The following MYH11 variants were observed in gnomAD, a reference collection of about 807,000 sequenced individuals.
MYH11 encodes myosin heavy chain 11, also known as myosin-11.
MYH11 carries 80 observed loss-of-function variants against 246.6 expected under a neutral mutation model. That is an observed-to-expected ratio of 0.32 (90% CI 0.27 to 0.39). MYH11 has a LOEUF of 0.39. Ranked by LOEUF, MYH11 falls within the 10% of genes least tolerant of loss-of-function variation. The probability of loss-of-function intolerance (pLI) is 1.00; values close to 1 mark genes in which losing one functional copy is unlikely to be tolerated. For synonymous variants in MYH11, 1,071 were observed against 1,015.5 expected (o/e 1.05, Z -1.04); for missense variants, 2,158 against 2,546.8 (o/e 0.85, Z 3.29).
rs1567701550 is a variant in MYH11 at position 15,725,149 on chromosome 16, A to AG, written c.3859-158_3859-157insC. ...GGGACTCTGATAAAAAAAAAAAAAA[A>AG]CACACACACACACAAAAAAAACAGA... On this transcript the variant is annotated intron_variant, in intron 28 of 40. Coordinates refer to ENST00000300036, the MANE Select transcript of MYH11 (RefSeq NM_002474.3). 1.7e-5 allele frequency: 10 copies of AG among 575,984 alleles called. No homozygotes were observed. In the African/African-American group the frequency reaches 2.2e-4, roughly 13 times the overall value. The allele number at this position is 575,984 out of a possible 1,614,324, so 35.7% of individuals were successfully genotyped here.
At chr16:15,825,317 G>A (rs1204873779) in intron 2 of MYH11, among the ~76,000 whole-genome samples, 1 of 151,420 alleles carries the variant, frequency 6.6e-6, no homozygotes, top group Non-Finnish European at 1.5e-5. Context: ...GGGAGGCCAA[G>A]GTGGGAGGAT....
rs2041772077 is a variant in MYH11 at position 15,757,898 on chromosome 16, C to G, written c.1504G>C (p.Glu502Gln). The change falls in exon 13 of 41, where the codon GAG becomes CAG. Residue 502 changes from glutamate to glutamine, a missense_variant. By Grantham distance (29) the Glu-to-Gln change is conservative. Coordinates refer to ENST00000300036, the MANE Select transcript of MYH11 (RefSeq NM_002474.3). ...FILEQEEYQR[E>Q]GIEWNFIDFG... ...TCGATGAAGTTCCACTCGATGCCCT[C>G]GCGCTGGTACTCCTCCTGCTCCAGG... 2 of 1,614,210 alleles carry G rather than the reference C, an allele frequency of 1.2e-6. No homozygotes were observed. The highest frequency in any genetic ancestry group is 4.5e-5 in the East Asian group (2 of 44,878).
At chr16:15,781,687 T>G (rs1355597520) in intron 6 of MYH11, among the ~76,000 whole-genome samples, 1 of 152,046 alleles carries the variant, frequency 6.6e-6, no homozygotes, top group African/African-American at 2.4e-5. Flanking sequence ...CCTGGGGGAG[T>G]GTGCATGGGA....
chr16:15,772,501 C>T (rs2042127039), intron 8 of MYH11, among the ~76,000 whole-genome samples: 1 of 152,132 alleles, frequency 6.6e-6, no homozygotes, highest in Non-Finnish European at 1.5e-5. Flanking sequence ...CTGTCACATC[C>T]CTTCTCCAAC....
chr16:15,771,974 C>A (rs1410589745), intron 8 of MYH11, among the ~76,000 whole-genome samples: 1 of 151,882 alleles, frequency 6.6e-6, no homozygotes, highest in African/African-American at 2.4e-5. Context: ...CAATCCCTGG[C>A]ACGAAGTTAC....
chr16:15,718,822 A>T (rs955257957), intron 36 of MYH11: 1 of 408,132 alleles, frequency 2.5e-6, no homozygotes, highest in Non-Finnish European at 4.6e-6. Context: ...CTTCGTCAGC[A>T]GCAGCATTGA....
chr16:15,800,981 G>A (rs1045290644), intron 3 of MYH11, among the ~76,000 whole-genome samples: 9 of 152,008 alleles, frequency 5.9e-5, no homozygotes, highest in Non-Finnish European at 1.2e-4. Context: ...CAAGGAGGGT[G>A]GATCACTTGA....
intron 37 of MYH11, chr16:15,717,614 G>A (rs1024192113): frequency 5.3e-6 from 3 of 570,812 alleles, no homozygotes; most frequent in Non-Finnish European, 9.4e-6. Context: ...GGCCAACATG[G>A]TGAAACCCCG....
At position 15,750,641 on chromosome 16, in the gene MYH11, A is replaced by C. The variant is rs774465356; in HGVS notation, c.1865-310T>G. ...TGTGCCTCAGTCTCCCTTTCTACAA[A>C]AGGGAGGTAATAATACCGTCTACCT... On this transcript the variant is annotated intron_variant, in intron 15 of 40. Coordinates refer to ENST00000300036, the MANE Select transcript of MYH11 (RefSeq NM_002474.3). The surrounding 1 kb of genome is among the most constrained non-coding windows in gnomAD (Gnocchi z 4.3). 5.3e-5 allele frequency among the ~76,000 whole-genome samples: 8 copies of C among 152,036 alleles called. No individual in the cohort carries two copies. In the South Asian group the frequency reaches 1.7e-3, roughly 32 times the overall value.
At chr16:15,795,885 A>C (rs886737131) in intron 4 of MYH11, among the ~76,000 whole-genome samples, 1 of 152,186 alleles carries the variant, frequency 6.6e-6, no homozygotes, top group African/African-American at 2.4e-5. Context: ...CATACAACTA[A>C]CTAGACGATG....
At chr16:15,711,759 C>G (rs2039810037) in intron 40 of MYH11, among the ~76,000 whole-genome samples, 1 of 152,094 alleles carries the variant, frequency 6.6e-6, no homozygotes, top group African/African-American at 2.4e-5. Flanking sequence ...GTGGTGCGAT[C>G]TCAGCTCACT....
intron 5 of MYH11, chr16:15,783,611 C>T (rs2042403961): frequency 6.6e-6 from 1 of 152,192 alleles, no homozygotes. Flanking sequence ...TGGAAATTTA[C>T]AAGGAGCACC....
At chr16:15,744,000 G>A (rs535847263) in intron 20 of MYH11, among the ~76,000 whole-genome samples, 9 of 152,214 alleles carry the variant, frequency 5.9e-5, no homozygotes, top group African/African-American at 2.2e-4. Context: ...GCCAGATGAG[G>A]TGGCTCATGC....
chr16:15,712,737 G>A (rs1450326829), intron 40 of MYH11, among the ~76,000 whole-genome samples: 2 of 152,006 alleles, frequency 1.3e-5, no homozygotes, highest in Non-Finnish European at 2.9e-5. Context: ...GTCCAGGGAA[G>A]CAAGTGAATT....
rs769899465 is a variant in MYH11 at position 15,724,680 on chromosome 16, G to A, written c.4083C>T (p.Asn1361=). Residue 1361 remains asparagine (N), a synonymous_variant, in exon 30 of 41, where the codon AAC becomes AAT. Coordinates refer to ENST00000300036, the MANE Select transcript of MYH11 (RefSeq NM_002474.3). ...QLDEEMEAKQ[N]LERHISTLNI... The stretch of plus-strand genomic sequence containing the variant: ...TGAGAGTGGAGATGTGGCGCTCCAG[G>A]TTCTGCTTGGCCTCCATCTCCTCGT... The A allele has an allele frequency of 6.2e-6, 10 of 1,614,218 alleles. No individual in the cohort carries two copies. The highest frequency in any genetic ancestry group is 8.5e-6 in the Non-Finnish European group (10 of 1,180,042).
rs139414538 is a variant in MYH11, at chr16:15,721,960, C to T, written c.4366-326G>A. Among the ~76,000 whole-genome samples, 1,098 of 152,170 alleles carry T rather than the reference C, an allele frequency of 7.2e-3. 12 individuals are homozygous for T. Among genetic ancestry groups the T allele is most frequent in the African/African-American group, 0.026 (1,067 of 41,512 alleles). The stretch of plus-strand genomic sequence containing the variant: ...GCAACCTCCGCCTCGTGGGTTCAAG[C>T]GATTCTCCTGCCTCAGCCTCCAGAG... On this transcript the variant is annotated intron_variant, in intron 31 of 40. Transcript: ENST00000300036.
chr16:15,759,961 G>A (rs1165288922), intron 11 of MYH11, among the ~76,000 whole-genome samples: 11 of 152,268 alleles, frequency 7.2e-5, no homozygotes, highest in African/African-American at 2.4e-4. Flanking sequence ...GCCAGGCGTT[G>A]TGGTGCATGC....
chr16:15,855,518 C>T (rs72773921), intron 1 of MYH11, among the ~76,000 whole-genome samples: 3 of 152,152 alleles, frequency 2.0e-5, no homozygotes, highest in Admixed American at 6.5e-5. Context: ...CTGTGTGACA[C>T]TTTACCTCTC....
In MYH11 at chr16:15,820,474, G is replaced by A. The variant is rs1218452816; in HGVS notation, c.502+2781C>T. On this transcript the variant is annotated intron_variant, in intron 3 of 40. Transcript: ENST00000300036. ...GGGCACCAAGAGGGAAACTCCATCC[G>A]GAAAAAAAAAAAAAAAAAGAAAGAA... 3.8e-5 allele frequency among the ~76,000 whole-genome samples: 5 copies of A among 131,046 alleles called. No individual in the cohort carries two copies. In the South Asian group the frequency reaches 7.1e-4, roughly 19 times the overall value. 86.0% of individuals were successfully genotyped at this position (131,046 alleles called of 152,430 possible).
Sources: allele counts gnomAD v4.1 joint callset (sites outside exome capture counted in the v4.1 genomes callset), GRCh38; gene constraint gnomAD v4.1.1; non-coding constraint Gnocchi (gnomAD v3.1); transcripts MANE v1.5; gene names NCBI Gene and HGNC (gene_info 2026-07-23, HGNC 2026-07-21).